KCNAB1: variants seen among roughly 807,000 people sequenced by gnomAD.
The protein encoded by KCNAB1 is voltage-gated potassium channel subunit beta-1.
A neutral mutation model predicts 64.6 loss-of-function variants in KCNAB1; 35 were observed. That is an observed-to-expected ratio of 0.54 (90% CI 0.41 to 0.72). KCNAB1 has a LOEUF of 0.72. Ranked by LOEUF, KCNAB1 falls within the 30% of genes least tolerant of loss-of-function variation. The pLI is 0.00. For missense variants in KCNAB1, 401 were observed against 512.9 expected, an observed-to-expected ratio of 0.78 and a Z score of 2.11; for synonymous variants, 177 against 183.8, an observed-to-expected ratio of 0.96 and a Z score of 0.30.
chr3:156,408,650 C>T (rs1231107040), intron 1 of KCNAB1, among the ~76,000 whole-genome samples: 1 of 151,956 alleles, frequency 6.6e-6, no homozygotes, highest in Admixed American at 6.6e-5. Flanking sequence ...TGTGGTGGGG[C>T]ACACCTGTAA....
intron 11 of KCNAB1, 193 bp from the exon 12 acceptor site, chr3:156,523,634 G>T (rs1718101496): frequency 6.8e-6 from 4 of 591,188 alleles, no homozygotes; most frequent in Non-Finnish European, 1.2e-5. Flanking sequence ...AAATCAATCT[G>T]TTTTGAACCA....
chr3:156,405,845 AACT>A (rs1244936599), intron 1 of KCNAB1, among the ~76,000 whole-genome samples: 8 of 152,246 alleles, frequency 5.3e-5, no homozygotes, highest in Non-Finnish European at 1.2e-4. Flanking sequence ...CCTTATAAAT[AACT>A]ACTATGATCC....
rs144693419 is a variant in KCNAB1, at chr3:156,158,111, G to A, written c.275+37225G>A. On this transcript the variant is annotated intron_variant, in intron 1 of 13. Coordinates refer to ENST00000490337, the MANE Select transcript of KCNAB1 (RefSeq NM_172160.3). Reference sequence around the variant, plus strand: ...ACCCGGGAGGCGGAGCTTGCAGTGAGGAGAGATAGCGCCACTGCACTCCAG... The same window carrying A: ...ACCCGGGAGGCGGAGCTTGCAGTGAAGAGAGATAGCGCCACTGCACTCCAG... Among the ~76,000 whole-genome samples, 1,131 of 149,210 alleles carry A rather than the reference G, an allele frequency of 7.6e-3. 19 individuals are homozygous for A. Among genetic ancestry groups the A allele is most frequent in the African/African-American group, 0.027 (1,097 of 40,750 alleles).
chr3:156,489,030 G>C (rs1037369238), intron 8 of KCNAB1, among the ~76,000 whole-genome samples: 32 of 152,116 alleles, frequency 2.1e-4, no homozygotes, highest in African/African-American at 7.7e-4. Context: ...CTGTGGGGAA[G>C]CTCAGGGGTT....
At chr3:156,294,403 G>A (rs1231041241) in intron 1 of KCNAB1, among the ~76,000 whole-genome samples, 3 of 152,124 alleles carry the variant, frequency 2.0e-5, no homozygotes, top group Non-Finnish European at 4.4e-5. Flanking sequence ...TTACTCTTCT[G>A]TTTCAGATTC....
At chr3:156,228,741 C>T (rs1042543816) in intron 1 of KCNAB1, among the ~76,000 whole-genome samples, 1 of 152,194 alleles carries the variant, frequency 6.6e-6, no homozygotes, top group African/African-American at 2.4e-5. Flanking sequence ...GGGGATAGAT[C>T]AGAGAAAAAC....
chr3:156,275,257 G>T (rs1004687058), intron 1 of KCNAB1, among the ~76,000 whole-genome samples: 2 of 152,158 alleles, frequency 1.3e-5, no homozygotes, highest in Admixed American at 1.3e-4. Context: ...ACAATAGCAT[G>T]TCTAAAAAGT....
At chr3:156,324,420 T>C (rs1020922997) in intron 1 of KCNAB1, among the ~76,000 whole-genome samples, 2 of 152,194 alleles carry the variant, frequency 1.3e-5, no homozygotes, top group Non-Finnish European at 2.9e-5. Context: ...TCCAGGGAAA[T>C]GTTGCCCATG....
At chr3:156,463,345 A>G (rs1168438544) in intron 5 of KCNAB1, among the ~76,000 whole-genome samples, 2 of 152,136 alleles carry the variant, frequency 1.3e-5, no homozygotes, top group Non-Finnish European at 2.9e-5. Context: ...TTTCACTTTC[A>G]TCCCCACACG....
At chr3:156,170,516 G>C (rs778175988) in intron 1 of KCNAB1, among the ~76,000 whole-genome samples, 3 of 152,116 alleles carry the variant, frequency 2.0e-5, no homozygotes, top group Non-Finnish European at 4.4e-5. Flanking sequence ...TATGGGTTTT[G>C]GTGTGATAGA....
At chr3:156,146,853 G>T (rs1715069070) in intron 1 of KCNAB1, among the ~76,000 whole-genome samples, 1 of 152,146 alleles carries the variant, frequency 6.6e-6, no homozygotes, top group African/African-American at 2.4e-5. Flanking sequence ...ACAAAAACAG[G>T]TGGCAGGCTG....
At chr3:156,397,439 A>C (rs7640596) in intron 1 of KCNAB1, among the ~76,000 whole-genome samples, 6,206 of 152,294 alleles carry the variant, frequency 0.041, 343 homozygotes, top group African/African-American at 0.13. Context: ...GTATATACTA[A>C]CTGGAAGAAA....
At chr3:156,435,245 A>G (rs1188150014) in intron 2 of KCNAB1, among the ~76,000 whole-genome samples, 2 of 152,136 alleles carry the variant, frequency 1.3e-5, no homozygotes, top group East Asian at 3.9e-4. Flanking sequence ...GTCTTGCTTT[A>G]TTTTCTTTTT....
chr3:156,158,043 T>C (rs184056901), intron 1 of KCNAB1, among the ~76,000 whole-genome samples: 2 of 151,724 alleles, frequency 1.3e-5, no homozygotes, highest in African/African-American at 4.8e-5. Flanking sequence ...CTGGTGCCTG[T>C]AGTCCCAGCT....
intron 8 of KCNAB1, among the ~76,000 whole-genome samples, chr3:156,513,308 G>A (rs559703072): frequency 9.9e-5 from 15 of 152,102 alleles, no homozygotes; most frequent in African/African-American, 1.9e-4. Context: ...ATCCTGTTCC[G>A]TATCAATCTA....
intron 1 of KCNAB1, among the ~76,000 whole-genome samples, chr3:156,318,666 A>G (rs1314882019): frequency 1.3e-5 from 2 of 152,218 alleles, no homozygotes; most frequent in African/African-American, 4.8e-5. Flanking sequence ...AAGAAAGTAG[A>G]CAAGCAAGCA....
chr3:156,277,238 C>T (rs1719398178), intron 1 of KCNAB1, among the ~76,000 whole-genome samples: 2 of 152,032 alleles, frequency 1.3e-5, no homozygotes, highest in South Asian at 2.1e-4. Flanking sequence ...GATTGTGGCA[C>T]CCAAAACAAT....
At chr3:156,207,872 C>T (rs997039038) in intron 1 of KCNAB1, among the ~76,000 whole-genome samples, 1 of 152,104 alleles carries the variant, frequency 6.6e-6, no homozygotes, top group South Asian at 2.1e-4. Flanking sequence ...AATCAAGTAC[C>T]TTTATTTGGG....
chr3:156,134,715 C>A (rs891772226), intron 1 of KCNAB1, among the ~76,000 whole-genome samples: 2 of 152,168 alleles, frequency 1.3e-5, no homozygotes, highest in Non-Finnish European at 2.9e-5. Context: ...ATATAGAACA[C>A]AATATTTCAA....
Sources: allele counts gnomAD v4.1 joint callset (sites outside exome capture counted in the v4.1 genomes callset), GRCh38; gene constraint gnomAD v4.1.1; transcripts MANE v1.5; gene names NCBI Gene and HGNC (gene_info 2026-07-23, HGNC 2026-07-21).